ZNRF2: variants seen among roughly 807,000 people sequenced by gnomAD.
The protein encoded by ZNRF2 is E3 ubiquitin-protein ligase ZNRF2.
Under a neutral mutation model 20.4 loss-of-function variants are expected in ZNRF2, and 16 were observed. The ratio of observed to expected loss-of-function variants is 0.79; its 90% confidence interval spans 0.53 to 1.19. The LOEUF (loss-of-function observed/expected upper bound fraction) is 1.19. Ranked by LOEUF, ZNRF2 falls within the 50% of genes most tolerant of loss-of-function variation. ZNRF2 has a pLI of 0.00. For synonymous variants in ZNRF2, 178 were observed against 144.9 expected, an observed-to-expected ratio of 1.23 and a Z score of -1.64; for missense variants, 363 against 332.4, an observed-to-expected ratio of 1.09 and a Z score of -0.72.
intron 2 of ZNRF2, among the ~76,000 whole-genome samples, chr7:30,337,398 A>G (rs879910704): frequency 1.3e-5 from 2 of 152,174 alleles, no homozygotes; most frequent in African/African-American, 4.8e-5. Context: ...AATCAAAATC[A>G]CAGAACTTTA....
chr7:30,312,162 G>A (rs77533274), intron 1 of ZNRF2, among the ~76,000 whole-genome samples: 1,709 of 152,068 alleles, frequency 0.011, 29 homozygotes, highest in African/African-American at 0.038. Flanking sequence ...CTTTTTTTCC[G>A]TAGAGACAGG....
chr7:30,285,194 G>A lies in ZNRF2; in HGVS notation c.-164G>A. On this transcript the variant is annotated 5_prime_UTR_variant, in exon 1 of 5. Transcript: ENST00000323037. Reference sequence around the variant, plus strand: ...CCCGCCGCCCCAAGAAGAGCGCGCCGGGCGCCGACTGCCCCTCTGGACGCC... The same window carrying A: ...CCCGCCGCCCCAAGAAGAGCGCGCCAGGCGCCGACTGCCCCTCTGGACGCC... 1 of 466,122 alleles carries A rather than the reference G, an allele frequency of 2.1e-6. No homozygotes were observed. Among genetic ancestry groups the A allele is most frequent in the South Asian group, 2.0e-5 (1 of 51,082 alleles). 28.9% of individuals were successfully genotyped at this position (466,122 alleles called of 1,614,324 possible).
Position 30,285,607 on chromosome 7 carries a change from G to A in ZNRF2, c.250G>A (p.Gly84Ser). The change falls in exon 1 of 5, where the codon GGC becomes AGC. Residue 84 changes from glycine (G) to serine (S), a missense_variant. Physicochemically the swap from Gly to Ser is moderately conservative, Grantham distance 56 (BLOSUM62 0). Around this residue, in one of 2 missense-constraint regions of ZNRF2, gnomAD observed 302 missense variants for 231.5 expected, o/e 1.30. Coordinates refer to ENST00000323037, the MANE Select transcript of ZNRF2 (RefSeq NM_147128.4). The stretch of plus-strand genomic sequence containing the variant: ...GGCGGCCCCGCGCAGCCGCTCCCTC[G>A]GCGGGGCCGTGGGGAGCGTGGCGTC... ...APAAPRSRSL[G>S]GAVGSVASGA... 1.7e-6 allele frequency: 2 copies of A among 1,177,734 alleles called. No homozygotes were observed. 73.0% of individuals were successfully genotyped at this position (1,177,734 alleles called of 1,614,324 possible).
intron 4 of ZNRF2, among the ~76,000 whole-genome samples, chr7:30,364,894 G>A (rs1420704602): frequency 6.6e-6 from 1 of 152,092 alleles, no homozygotes; most frequent in Admixed American, 6.6e-5. Context: ...TAAGATCAAG[G>A]TTCCAGCCAG....
intron 1 of ZNRF2, among the ~76,000 whole-genome samples, chr7:30,291,814 G>A (rs1467913875): frequency 2.0e-5 from 3 of 152,142 alleles, no homozygotes; most frequent in Admixed American, 6.5e-5. Flanking sequence ...AGATTACTAA[G>A]GGATGAATAT....
At chr7:30,350,793 C>T (rs1013289526) in intron 2 of ZNRF2, among the ~76,000 whole-genome samples, 1 of 151,812 alleles carries the variant, frequency 6.6e-6, no homozygotes, top group African/African-American at 2.4e-5. Context: ...CTTTTGTTTT[C>T]TACTGCTATC....
chr7:30,285,148 C>G lies in ZNRF2; in HGVS notation c.-210C>G. 2 of 416,248 alleles carry G rather than the reference C, an allele frequency of 4.8e-6. No individual in the cohort carries two copies. Among genetic ancestry groups the G allele is most frequent in the Non-Finnish European group, 4.6e-6 (1 of 215,580 alleles). 25.8% of individuals were successfully genotyped at this position (416,248 alleles called of 1,614,324 possible). ...TCCGCGTCTCCTCGTCTCCCGCGCCCGCGTCAGGCCGTCGGCCTCGCCCGC... is the reference window on the plus strand; with the variant it reads ...TCCGCGTCTCCTCGTCTCCCGCGCCGGCGTCAGGCCGTCGGCCTCGCCCGC... On this transcript the variant is annotated 5_prime_UTR_variant, in exon 1 of 5. Transcript: ENST00000323037.
intron 1 of ZNRF2, among the ~76,000 whole-genome samples, chr7:30,320,957 A>G (rs535875360): frequency 4.1e-4 from 63 of 152,304 alleles, no homozygotes; most frequent in African/African-American, 1.4e-3. Context: ...ATTTTGATGT[A>G]TCATTCTGTG....
chr7:30,362,279 G>C, intron 3 of ZNRF2, 98 bp from the exon 4 acceptor site: 1 of 743,818 alleles, frequency 1.3e-6, no homozygotes, highest in Non-Finnish European at 2.1e-6. Context: ...ATTTTTTTCT[G>C]TAAAAAATAT....
intron 1 of ZNRF2, among the ~76,000 whole-genome samples, chr7:30,304,631 A>G (rs1001195150): frequency 4.6e-5 from 7 of 152,234 alleles, no homozygotes; most frequent in African/African-American, 1.7e-4. Flanking sequence ...ACCGAAAAGT[A>G]TGAATGGGTG....
rs952313265 is a variant in ZNRF2 at position 30,342,769 on chromosome 7, T to A, written c.566-12959T>A. On this transcript the variant is annotated intron_variant, in intron 2 of 4. Coordinates refer to ENST00000323037, the MANE Select transcript of ZNRF2 (RefSeq NM_147128.4). ...CTATGAATTTTTCTCTGAAGATGTT[T>A]TAGCTCTGTTTCAAAGGTTCCGATA... Among the ~76,000 whole-genome samples the A allele has an allele frequency of 9.2e-5, 14 of 152,304 alleles. No individual in the cohort carries two copies. In the East Asian group the frequency reaches 2.7e-3, roughly 29 times the overall value.
chr7:30,320,546 AAT>A (rs1341748827), intron 1 of ZNRF2, among the ~76,000 whole-genome samples: 3 of 152,130 alleles, frequency 2.0e-5, no homozygotes, highest in Non-Finnish European at 4.4e-5. Flanking sequence ...TTTGAATTTC[AAT>A]ATTTTTCAGG....
chr7:30,305,871 G>A (rs1269672509), intron 1 of ZNRF2, among the ~76,000 whole-genome samples: 2 of 152,072 alleles, frequency 1.3e-5, no homozygotes, highest in African/African-American at 4.8e-5. Context: ...ACATTCATCT[G>A]TCATACATGT....
At chr7:30,337,167 G>A (rs561484366) in intron 2 of ZNRF2, among the ~76,000 whole-genome samples, 1 of 152,260 alleles carries the variant, frequency 6.6e-6, no homozygotes, top group Admixed American at 6.5e-5. Context: ...TGTTTGCACA[G>A]ATATTTATGA....
intron 1 of ZNRF2, among the ~76,000 whole-genome samples, chr7:30,311,885 A>G (rs1799297775): frequency 6.6e-6 from 1 of 152,118 alleles, no homozygotes; most frequent in African/African-American, 2.4e-5. Flanking sequence ...TGTGATAGTA[A>G]TCTGTTAATG....
At chr7:30,286,459 A>C (rs1308956471) in intron 1 of ZNRF2, among the ~76,000 whole-genome samples, 2 of 152,228 alleles carry the variant, frequency 1.3e-5, no homozygotes, top group Non-Finnish European at 2.9e-5. Context: ...AAGCATTTAA[A>C]AAATGGAAAA....
chr7:30,287,049 A>G (rs182232857), intron 1 of ZNRF2, among the ~76,000 whole-genome samples: 1,680 of 152,312 alleles, frequency 0.011, 22 homozygotes, highest in Admixed American at 0.019. Flanking sequence ...TGCAAATTCA[A>G]TTGGAACGAC....
At chr7:30,293,951 AG>A (rs1271785433) in intron 1 of ZNRF2, among the ~76,000 whole-genome samples, 17 of 151,902 alleles carry the variant, frequency 1.1e-4, no homozygotes, top group African/African-American at 4.1e-4. Context: ...ATGTGAGCTG[AG>A]GAAAAAAAGA....
intron 1 of ZNRF2, among the ~76,000 whole-genome samples, chr7:30,308,662 G>A (rs1014993119): frequency 6.6e-6 from 1 of 152,174 alleles, no homozygotes; most frequent in Non-Finnish European, 1.5e-5. Context: ...CAGCTTAATA[G>A]TGTTTTCCAC....
Sources: allele counts gnomAD v4.1 joint callset (sites outside exome capture counted in the v4.1 genomes callset), GRCh38; gene constraint gnomAD v4.1.1; regional missense constraint gnomAD v4.1.1; transcripts MANE v1.5; gene names NCBI Gene and HGNC (gene_info 2026-07-23, HGNC 2026-07-21).